SGMS2: variants seen among roughly 807,000 people sequenced by gnomAD.
SGMS2 encodes phosphatidylcholine:ceramide cholinephosphotransferase 2.
Under a neutral mutation model 43.8 loss-of-function variants are expected in SGMS2, and 21 were observed. That is an observed-to-expected ratio of 0.48 (90% CI 0.34 to 0.69). The LOEUF (loss-of-function observed/expected upper bound fraction) is 0.69. SGMS2 is among the 30% of genes least tolerant of loss of function. The pLI, the probability that SGMS2 is intolerant of heterozygous loss-of-function variation, is 0.01. For missense variants in SGMS2, 384 were observed against 443.2 expected (o/e 0.87, Z 1.20); for synonymous variants, 167 against 160.6 (o/e 1.04, Z -0.30).
chr4:107,826,734 G>A (rs1725615020), intron 1 of SGMS2, among the ~76,000 whole-genome samples: 1 of 152,060 alleles, frequency 6.6e-6, no homozygotes, highest in African/African-American at 2.4e-5. Context: ...TGTGAACCTA[G>A]AGGGAAACAC....
At chr4:107,835,885 T>C (rs781631998) in intron 1 of SGMS2, among the ~76,000 whole-genome samples, 14 of 152,140 alleles carry the variant, frequency 9.2e-5, no homozygotes, top group Non-Finnish European at 1.9e-4. Flanking sequence ...CCAGAATCCC[T>C]AAAGAGTTAA....
At chr4:107,885,951 G>T (rs1478493935) in intron 2 of SGMS2, among the ~76,000 whole-genome samples, 1 of 152,140 alleles carries the variant, frequency 6.6e-6, no homozygotes, top group Admixed American at 6.6e-5. Flanking sequence ...GTAAAAATTA[G>T]CTGATGTGGA....
intron 2 of SGMS2, among the ~76,000 whole-genome samples, chr4:107,868,175 T>C (rs1020418938): frequency 6.6e-6 from 1 of 152,202 alleles, no homozygotes; most frequent in Non-Finnish European, 1.5e-5. Context: ...GGGTTTGCAA[T>C]ATAAATTAGA....
chr4:107,862,863 C>T (rs767802086), intron 2 of SGMS2, among the ~76,000 whole-genome samples: 3 of 152,178 alleles, frequency 2.0e-5, no homozygotes, highest in Non-Finnish European at 4.4e-5. Context: ...GAACACCTCA[C>T]TGAATGAAAT....
chr4:107,880,207 T>G (rs1729235276), intron 2 of SGMS2, among the ~76,000 whole-genome samples: 1 of 152,140 alleles, frequency 6.6e-6, no homozygotes, highest in South Asian at 2.1e-4. Flanking sequence ...CAGAAGAAAG[T>G]GTCATCAAGA....
intron 1 of SGMS2, among the ~76,000 whole-genome samples, chr4:107,844,648 G>A (rs1726709571): frequency 6.6e-6 from 1 of 152,160 alleles, no homozygotes; most frequent in Admixed American, 6.5e-5. Context: ...CAAGGCTGCA[G>A]TGAGCCGTGA....
chr4:107,898,321 C>T (rs367631356), intron 3 of SGMS2, among the ~76,000 whole-genome samples: 1 of 151,820 alleles, frequency 6.6e-6, no homozygotes, highest in East Asian at 1.9e-4. Context: ...TGGAAACAGA[C>T]AGCTGAAATA....
chr4:107,842,223 A>G (rs890528169), intron 1 of SGMS2, among the ~76,000 whole-genome samples: 2 of 152,198 alleles, frequency 1.3e-5, no homozygotes, highest in Non-Finnish European at 2.9e-5. Context: ...AATTATTTCA[A>G]AAAGAGGCTT....
intron 2 of SGMS2, among the ~76,000 whole-genome samples, chr4:107,859,075 TG>T (rs1329344344): frequency 2.0e-5 from 3 of 152,234 alleles, no homozygotes; most frequent in African/African-American, 7.2e-5. Flanking sequence ...GAAGAGGTTT[TG>T]CTTGTGTGGT....
intron 3 of SGMS2, 142 bp downstream of exon 3, chr4:107,896,150 T>C (rs907976269): frequency 6.5e-6 from 5 of 765,802 alleles, no homozygotes; most frequent in Middle Eastern, 3.9e-4. Context: ...AGTAGAAAGC[T>C]CTACCACATT....
At chr4:107,890,336 A>G (rs368781870) in intron 2 of SGMS2, among the ~76,000 whole-genome samples, 1 of 152,126 alleles carries the variant, frequency 6.6e-6, no homozygotes, top group East Asian at 1.9e-4. Flanking sequence ...GAGACAGCAG[A>G]AGTAAATGAA....
chr4:107,834,092 T>C (rs1726041195), intron 1 of SGMS2, among the ~76,000 whole-genome samples: 1 of 152,230 alleles, frequency 6.6e-6, no homozygotes, highest in Non-Finnish European at 1.5e-5. Context: ...ATCTGTGTTC[T>C]TTTAAGCCTC....
At position 107,899,093 on chromosome 4, in the gene SGMS2, A is replaced by G. The variant is rs76104956; in HGVS notation, c.456-482A>G. Among the ~76,000 whole-genome samples, 1,187 of 152,264 alleles carry G rather than the reference A, an allele frequency of 7.8e-3. 65 individuals are homozygous for G. Among genetic ancestry groups the G allele is most frequent in the Admixed American group, 0.071 (1,080 of 15,296 alleles). On this transcript the variant is annotated intron_variant, in intron 3 of 6. Coordinates refer to ENST00000690982, the MANE Select transcript of SGMS2 (RefSeq NM_001375905.1). ...TACCGTGGGCTAAATGTGTTGTCAC[A>G]TTTCCCTATGTGTCTAATTATGTAA... is the stretch of plus-strand genomic sequence containing the variant.
chr4:107,884,060 G>T (rs1297800548), intron 2 of SGMS2, among the ~76,000 whole-genome samples: 1 of 150,718 alleles, frequency 6.6e-6, no homozygotes. Context: ...AATTTTTCTT[G>T]GCTAGAAGTC....
chr4:107,888,441 C>T (rs1560661827), intron 2 of SGMS2, among the ~76,000 whole-genome samples: 1 of 152,124 alleles, frequency 6.6e-6, no homozygotes, highest in Admixed American at 6.6e-5. Flanking sequence ...TTGTGACTTA[C>T]ACAGACCGTT....
chr4:107,856,432 G>T (rs1232593292), intron 1 of SGMS2, among the ~76,000 whole-genome samples: 1 of 152,138 alleles, frequency 6.6e-6, no homozygotes, highest in African/African-American at 2.4e-5. Context: ...AAAGTGCTAG[G>T]TTTGGCTACG....
chr4:107,853,247 G>A (rs766300933), intron 1 of SGMS2, among the ~76,000 whole-genome samples: 44 of 152,108 alleles, frequency 2.9e-4, no homozygotes, highest in Non-Finnish European at 2.8e-4. Flanking sequence ...AGGTGTGTCA[G>A]GCTTTCTGGG....
At chr4:107,877,913 C>CT (rs774442653) in intron 2 of SGMS2, among the ~76,000 whole-genome samples, 19,480 of 102,122 alleles carry the variant, frequency 0.19, 2,347 homozygotes, top group African/African-American at 0.27. Flanking sequence ...TTTTTCTTTT[C>CT]TTTTTTTTTT....
chr4:107,904,119 A>G (rs1156745977), intron 5 of SGMS2, among the ~76,000 whole-genome samples: 1 of 152,082 alleles, frequency 6.6e-6, no homozygotes, highest in Non-Finnish European at 1.5e-5. Context: ...TCATTTTTAT[A>G]TATTTCGGAG....
Sources: allele counts gnomAD v4.1 joint callset (sites outside exome capture counted in the v4.1 genomes callset), GRCh38; gene constraint gnomAD v4.1.1; transcripts MANE v1.5; gene names NCBI Gene and HGNC (gene_info 2026-07-23, HGNC 2026-07-21).